Variants in KNL1 observed in about 807,000 individuals in gnomAD.
KNL1 encodes kinetochore scaffold 1, also known as outer kinetochore KNL1 complex subunit KNL1.
Under a neutral mutation model 201.3 loss-of-function variants are expected in KNL1, and 66 were observed. The ratio of observed to expected loss-of-function variants is 0.33; its 90% CI spans 0.27 to 0.40. KNL1 has a LOEUF of 0.40. Ranked by LOEUF, KNL1 falls within the 10% of genes least tolerant of loss-of-function variation. The pLI is 1.00. For synonymous variants in KNL1, 895 were observed against 899.2 expected (o/e 1.00, Z 0.08); for missense variants, 2,815 against 2,690.5 (o/e 1.05, Z -1.02).
At chr15:40,629,854 A>G (rs1014097980) in intron 13 of KNL1, among the ~76,000 whole-genome samples, 11 of 151,974 alleles carry the variant, frequency 7.2e-5, no homozygotes, top group African/African-American at 7.3e-5. Flanking sequence ...AAAACCAAAA[A>G]TTTTCACATG....
chr15:40,626,240 C>T (rs924086632), intron 10 of KNL1, among the ~76,000 whole-genome samples: 4 of 150,762 alleles, frequency 2.7e-5, no homozygotes, highest in Admixed American at 1.3e-4. Flanking sequence ...GCAACCTCTG[C>T]CTTCTGGGTT....
Position 40,663,094 on chromosome 15 carries a change from C to T in KNL1, c.*906C>T, listed in dbSNP as rs1595955293. 1 of 161,044 alleles carries T rather than the reference C, an allele frequency of 6.2e-6. No homozygotes were observed. Among genetic ancestry groups the T allele is most frequent in the African/African-American group, 2.4e-5 (1 of 41,236 alleles). 10.0% of individuals were successfully genotyped at this position (161,044 alleles called of 1,614,324 possible). A position where few individuals can be genotyped will look rare whatever the true frequency, so the allele number is the denominator to read the frequency against. ...TTTTTTTTTGAGACGGAGTCTTGCT[C>T]TGTCGCCCAGGCTGGAGTGCAGTGG... On this transcript the variant is annotated 3_prime_UTR_variant, in exon 26 of 26. Coordinates refer to ENST00000399668, the MANE Select transcript of KNL1 (RefSeq NM_144508.5).
At chr15:40,615,305 G>A in intron 7 of KNL1, 36 bp from the exon 8 acceptor site, 1 of 589,086 alleles carries the variant, frequency 1.7e-6, no homozygotes, top group South Asian at 1.8e-5. Flanking sequence ...GTAATTGTTT[G>A]GGGTATAGAT....
chr15:40,651,396 A>C, intron 19 of KNL1, 75 bp from the exon 20 acceptor site: 1 of 944,108 alleles, frequency 1.1e-6, no homozygotes, highest in Non-Finnish European at 1.6e-6. Context: ...ACTTCTTATC[A>C]TAAACCTTTT....
At position 40,620,216 on chromosome 15, in the gene KNL1, A is replaced by ATT. The variant is rs11458507; in HGVS notation, c.376-410_376-409dup. Among the ~76,000 whole-genome samples the ATT allele has an allele frequency of 1.3e-3, 199 of 148,562 alleles. 1 individual carries two copies. The highest frequency in any genetic ancestry group is 3.9e-3 in the African/African-American group (158 of 40,456). On this transcript the variant is annotated intron_variant, in intron 9 of 25. Coordinates refer to ENST00000399668, the MANE Select transcript of KNL1 (RefSeq NM_144508.5). ...GAGCCACTGTGCCTAGCCTAGAATA[A>ATT]TTTTTTTTTTTTTTTGAGACAGAGT... is the stretch of plus-strand genomic sequence containing the variant.
At position 40,622,856 on chromosome 15, in the gene KNL1, T is replaced by C. The variant is rs1892590872; in HGVS notation, c.2592T>C (p.Phe864=). Residue 864 remains phenylalanine, a synonymous_variant, in exon 10 of 26, where the codon TTT becomes TTC. Coordinates refer to ENST00000399668, the MANE Select transcript of KNL1 (RefSeq NM_144508.5). ...CAAAAATTGATAAGACTATTGTATTTTCAGAAGACGATAAGAATGATATGG... is the reference window on the plus strand; with the variant it reads ...CAAAAATTGATAAGACTATTGTATTCTCAGAAGACGATAAGAATGATATGG... ...GGPKIDKTIV[F]SEDDKNDMDI... 1.2e-6 allele frequency: 2 copies of C among 1,613,518 alleles called. No homozygotes were observed. Among genetic ancestry groups the C allele is most frequent in the Non-Finnish European group, 1.7e-6 (2 of 1,179,590 alleles).
At chr15:40,653,862 C>A (rs572443978) in intron 21 of KNL1, among the ~76,000 whole-genome samples, 1 of 132,136 alleles carries the variant, frequency 7.6e-6, no homozygotes, top group Admixed American at 7.4e-5. Context: ...GTTTCTTATG[C>A]CCGAACGCTG....
Position 40,615,358 on chromosome 15 carries a change from A to G in KNL1, c.302A>G (p.Asp101Gly), listed in dbSNP as rs767562047. 1 of 708,340 alleles carries G rather than the reference A, an allele frequency of 1.4e-6. No homozygotes were observed. The highest frequency in any genetic ancestry group is 2.3e-6 in the Non-Finnish European group (1 of 432,304). The allele number at this position is 708,340 out of a possible 1,614,324, so 43.9% of individuals were successfully genotyped here. A position where few individuals can be genotyped will look rare whatever the true frequency, so the allele number is the denominator to read the frequency against. ...ATTTTTAGGAATAAGAAATTAGAAGATAATTACTGTGAAATTACTGGTGAG... is the reference window on the plus strand; with the variant it reads ...ATTTTTAGGAATAAGAAATTAGAAGGTAATTACTGTGAAATTACTGGTGAG... ...LLLIQNKKLE[D>G]NYCEITGMNT... Residue 101 changes from aspartate to glycine, a missense_variant, in exon 8 of 26, where the codon GAT (aspartate) becomes GGT (glycine). Around this residue, in one of 3 missense-constraint regions of KNL1, gnomAD observed 2,464 missense variants for 2,291.7 expected, o/e 1.08. Coordinates refer to ENST00000399668, the MANE Select transcript of KNL1 (RefSeq NM_144508.5).
At chr15:40,658,455 G>T (rs1318425745) in intron 24 of KNL1, among the ~76,000 whole-genome samples, 1 of 143,112 alleles carries the variant, frequency 7.0e-6, no homozygotes, top group Non-Finnish European at 1.5e-5. Flanking sequence ...CTTGAACTTG[G>T]AGGATGGAGG....
rs566732985 is a variant in KNL1, at chr15:40,656,298, T to G, written c.6485-744T>G. Among the ~76,000 whole-genome samples the G allele has an allele frequency of 2.6e-5, 4 of 152,084 alleles. No individual in the cohort carries two copies. The East Asian group carries it at 7.8e-4, about 30-fold the overall frequency. Reference sequence around the variant, plus strand: ...ATACGAAGAAATTAGCTGGGCATTGTGGTGTGTGCCTGTAGTCCCAGCTAC... The same window carrying G: ...ATACGAAGAAATTAGCTGGGCATTGGGGTGTGTGCCTGTAGTCCCAGCTAC... On this transcript the variant is annotated intron_variant, in intron 22 of 25. Coordinates refer to ENST00000399668, the MANE Select transcript of KNL1 (RefSeq NM_144508.5).
Position 40,650,367 on chromosome 15 carries a change from C to A in KNL1, c.6161C>A (p.Ala2054Asp). 1 of 1,611,786 alleles carries A rather than the reference C, an allele frequency of 6.2e-7. No homozygotes were observed. Among genetic ancestry groups the A allele is most frequent in the Non-Finnish European group, 8.5e-7 (1 of 1,178,160 alleles). ...PVEEWDSEMR[A>D]AEKELEQLKT... The stretch of plus-strand genomic sequence containing the variant: ...GAAGAATGGGATTCTGAAATGAGAG[C>A]TGCAGAAAAAGGTAATTGAATTAGT... The change falls in exon 18 of 26, where the codon GCT (alanine) becomes GAT (aspartate). Residue 2054 changes from alanine (A) to aspartate (D), a missense_variant. This residue lies in a region of KNL1 where 334 missense variants were observed against 362.6 expected (regional missense o/e 0.92). Transcript: ENST00000399668.
intron 7 of KNL1, among the ~76,000 whole-genome samples, chr15:40,612,634 A>G (rs1414448804): frequency 1.3e-5 from 2 of 151,900 alleles, no homozygotes; most frequent in African/African-American, 2.4e-5. Context: ...CTCCTGCTTC[A>G]GCCTCCCGAG....
Position 40,623,904 on chromosome 15 carries a change from AAAC to A in KNL1, c.3643_3645del (p.Gln1215del). On this transcript the variant is annotated inframe_deletion, in exon 10 of 26. Coordinates refer to ENST00000399668, the MANE Select transcript of KNL1 (RefSeq NM_144508.5). ...TAGCTGTGTTCAAGAAATCGCTGAA[AAAC>A]AAGCACTGGCTGTAGGAAACAAAAT... 6.2e-7 allele frequency: 1 copy of A among 1,613,484 alleles called. No homozygotes were observed. Among genetic ancestry groups the A allele is most frequent in the Non-Finnish European group, 8.5e-7 (1 of 1,179,936 alleles).
At chr15:40,636,174 G>A (rs1390599202) in intron 13 of KNL1, among the ~76,000 whole-genome samples, 1 of 152,206 alleles carries the variant, frequency 6.6e-6, no homozygotes, top group Non-Finnish European at 1.5e-5. Context: ...TGCTAGGCTT[G>A]AAGTTCTCAG....
rs1250701674 is a variant in KNL1 at position 40,622,488 on chromosome 15, A to T, written c.2224A>T (p.Asn742Tyr). The change falls in exon 10 of 26, where the codon AAT (asparagine) becomes TAT (tyrosine). Residue 742 changes from asparagine (N) to tyrosine (Y), a missense_variant. Coordinates refer to ENST00000399668, the MANE Select transcript of KNL1 (RefSeq NM_144508.5). ...LAEPLRKSLS[N>Y]PTPDYCHDKM... ...TGAGCCACTGAGGAAAAGTTTAAGC[A>T]ATCCCACACCTGACTATTGCCATGA... The T allele has an allele frequency of 6.2e-7, 1 of 1,613,936 alleles. No homozygotes were observed. The highest frequency in any genetic ancestry group is 2.2e-5 in the East Asian group (1 of 44,890).
At position 40,602,969 on chromosome 15, in the gene KNL1, A is replaced by C; in HGVS notation, c.35+3A>C. 1 of 1,584,464 alleles carries C rather than the reference A, an allele frequency of 6.3e-7. No homozygotes were observed. Among genetic ancestry groups the C allele is most frequent in the Non-Finnish European group, 8.6e-7 (1 of 1,157,002 alleles). ...TCTTCAGAGGCTAATGAAGAAAAGT[A>C]AGTTCATTTAATGCAGCTAAAAATA... is the stretch of plus-strand genomic sequence containing the variant. On this transcript the variant is annotated splice_donor_region_variant and intron_variant, in intron 2 of 25. Transcript: ENST00000399668.
chr15:40,600,048 C>G (rs1288342343), intron 1 of KNL1, among the ~76,000 whole-genome samples: 1 of 137,202 alleles, frequency 7.3e-6, no homozygotes, highest in Admixed American at 7.3e-5. Context: ...TTGCTGGATT[C>G]TTTTTGCTGA....
chr15:40,654,840 G>A (rs1893672323), intron 21 of KNL1, 69 bp from the exon 22 acceptor site: 1 of 1,203,376 alleles, frequency 8.3e-7, no homozygotes, highest in South Asian at 1.2e-5. Context: ...TTGCACTCCA[G>A]CCTGGGAGAC....
rs190664363 is a variant in KNL1, at chr15:40,662,174, C to T, written c.6937C>T (p.His2313Tyr). The change falls in exon 26 of 26, where the codon CAT (histidine) becomes TAT (tyrosine). Residue 2313 changes from histidine (H) to tyrosine (Y), a missense_variant. Physicochemically the swap from His to Tyr is moderately conservative, Grantham distance 83. Coordinates refer to ENST00000399668, the MANE Select transcript of KNL1 (RefSeq NM_144508.5). ...QIYQDLFQDC[H>Y]FYH ...TTACCAAGATCTGTTTCAGGACTGC[C>T]ATTTCTACCACTAGACCCTTGGACC... 4.1e-5 allele frequency: 66 copies of T among 1,592,880 alleles called. No individual in the cohort carries two copies. The Admixed American group carries it at 7.5e-4, about 18-fold the overall frequency.
Sources: allele counts gnomAD v4.1 joint callset (sites outside exome capture counted in the v4.1 genomes callset), GRCh38; gene constraint gnomAD v4.1.1; regional missense constraint gnomAD v4.1.1; transcripts MANE v1.5; gene names NCBI Gene and HGNC (gene_info 2026-07-23, HGNC 2026-07-21).